Variants in MORC3 observed in about 807,000 individuals in gnomAD.
MORC3 encodes MORC family CW-type zinc finger 3.
In MORC3, 31 loss-of-function variants were observed where a neutral mutation model predicts 109.1. The ratio of observed to expected loss-of-function variants is 0.28; its 90% CI spans 0.21 to 0.38. The LOEUF is 0.38. MORC3 is among the 10% of genes least tolerant of loss of function. MORC3 has a pLI of 1.00. For synonymous variants in MORC3, 395 were observed against 380.7 expected (o/e 1.04, Z -0.44); for missense variants, 867 against 1,135.8 (o/e 0.76, Z 3.40).
intron 8 of MORC3, chr21:36,347,851 A>G (rs2085528238): frequency 1.3e-5 from 2 of 152,232 alleles, no homozygotes; most frequent in African/African-American, 4.8e-5. Flanking sequence ...TGGCTGGACC[A>G]TATTTTAAGT....
intron 14 of MORC3, among the ~76,000 whole-genome samples, chr21:36,367,906 A>G (rs867651268): frequency 7.9e-5 from 12 of 152,230 alleles, no homozygotes; most frequent in Middle Eastern, 3.2e-3. Flanking sequence ...CAGTTAAGCT[A>G]GCAATAGACT....
At chr21:36,351,804 T>A (rs779393786) in intron 9 of MORC3, among the ~76,000 whole-genome samples, 6 of 152,140 alleles carry the variant, frequency 3.9e-5, no homozygotes, top group Non-Finnish European at 7.4e-5. Context: ...ATAATAGAAT[T>A]ACCATATGAT....
chr21:36,370,639 ATTTTTTTTTTTTTTTT>A (rs869169013), intron 15 of MORC3, among the ~76,000 whole-genome samples: 26 of 37,552 alleles, frequency 6.9e-4, no homozygotes, highest in Non-Finnish European at 1.1e-3. Context: ...ATATATATAT[ATTTTTTTTTTTTTTTT>A]TTTTTTTTTT....
intron 14 of MORC3, among the ~76,000 whole-genome samples, chr21:36,364,841 C>T (rs1361213167): frequency 1.3e-5 from 2 of 148,390 alleles, no homozygotes; most frequent in Non-Finnish European, 3.0e-5. Flanking sequence ...CATTTGAGGT[C>T]AGGAGTTCGA....
intron 4 of MORC3, among the ~76,000 whole-genome samples, chr21:36,338,547 G>T (rs558938924): frequency 6.6e-6 from 1 of 151,760 alleles, no homozygotes; most frequent in Non-Finnish European, 1.5e-5. Context: ...AAAATTAGCC[G>T]GTCGTGGTGG....
intron 9 of MORC3, among the ~76,000 whole-genome samples, chr21:36,350,250 G>A (rs2085555502): frequency 6.6e-6 from 1 of 152,076 alleles, no homozygotes; most frequent in Non-Finnish European, 1.5e-5. Context: ...GGAGTGTGCA[G>A]TGAGCCAAGA....
At chr21:36,320,744 C>T (rs1180718589) in intron 1 of MORC3, 2 of 169,164 alleles carry the variant, frequency 1.2e-5, no homozygotes, top group Non-Finnish European at 2.5e-5. Context: ...GACGGGGCTG[C>T]GGGCCTGCCT....
In MORC3 at chr21:36,353,755, A is replaced by ATTTTT. The variant is rs1202729285; in HGVS notation, c.1104-2847_1104-2843dup. Among the ~76,000 whole-genome samples, 31 of 71,004 alleles carry ATTTTT rather than the reference A, an allele frequency of 4.4e-4. 1 individual carries two copies. Among genetic ancestry groups the ATTTTT allele is most frequent in the Admixed American group, 1.3e-3 (6 of 4,790 alleles). 46.6% of individuals were successfully genotyped at this position (71,004 alleles called of 152,430 possible). A position where few individuals can be genotyped will look rare whatever the true frequency, so the allele number is the denominator to read the frequency against. ...GCCACCAAGCCCGGCTAATTTTTGTATTTTTTTTTTTTTTTTTTTTTTAGT... is the reference window on the plus strand; with the variant it reads ...GCCACCAAGCCCGGCTAATTTTTGTATTTTTTTTTTTTTTTTTTTTTTTTTTTAGT... On this transcript the variant is annotated intron_variant, in intron 9 of 16. Coordinates refer to ENST00000400485, the MANE Select transcript of MORC3 (RefSeq NM_015358.3).
At chr21:36,331,976 A>T (rs1275195528) in intron 1 of MORC3, among the ~76,000 whole-genome samples, 1 of 151,026 alleles carries the variant, frequency 6.6e-6, no homozygotes, top group Non-Finnish European at 1.5e-5. Flanking sequence ...TCCTGTCTCT[A>T]CAAAAAAGTA....
chr21:36,346,044 G>T (rs1430261793), intron 8 of MORC3, among the ~76,000 whole-genome samples: 1 of 151,442 alleles, frequency 6.6e-6, no homozygotes, highest in African/African-American at 2.4e-5. Context: ...TTTTTGAGAT[G>T]GAGTCTCACT....
intron 1 of MORC3, among the ~76,000 whole-genome samples, chr21:36,329,850 CTTTTTTTGTT>C (rs912083549): frequency 2.0e-4 from 30 of 151,596 alleles, no homozygotes; most frequent in Non-Finnish European, 3.2e-4. Flanking sequence ...TTTTTCTTTT[CTTTTTTTGTT>C]TTTTTTTGTT....
intron 8 of MORC3, among the ~76,000 whole-genome samples, chr21:36,345,742 A>T (rs187002008): frequency 6.6e-6 from 1 of 152,162 alleles, no homozygotes; most frequent in East Asian, 1.9e-4. Context: ...TTTTTAGTAG[A>T]GACGAGGTTT....
chr21:36,324,064 G>A (rs1007621582), intron 1 of MORC3, among the ~76,000 whole-genome samples: 9 of 151,766 alleles, frequency 5.9e-5, no homozygotes, highest in Admixed American at 2.0e-4. Context: ...TAGTAGAGAT[G>A]GGGTTTCTCC....
chr21:36,364,031 G>T, intron 13 of MORC3, 62 bp from the exon 14 acceptor site: 1 of 1,507,892 alleles, frequency 6.6e-7, no homozygotes, highest in Non-Finnish European at 9.0e-7. Flanking sequence ...ATTATATCTT[G>T]TGTTTTGGGC....
intron 10 of MORC3, among the ~76,000 whole-genome samples, chr21:36,357,061 T>C (rs948865684): frequency 6.6e-6 from 1 of 152,246 alleles, no homozygotes; most frequent in Non-Finnish European, 1.5e-5. Context: ...CATATTCTCA[T>C]TCTGCTTAAG....
chr21:36,343,252 T>C (rs1300688383), intron 6 of MORC3, among the ~76,000 whole-genome samples: 1 of 151,190 alleles, frequency 6.6e-6, no homozygotes, highest in African/African-American at 2.4e-5. Context: ...TGCGCCACCA[T>C]GCCCGGCTAA....
rs1328236236 is a variant in MORC3, at chr21:36,369,366, G to A, written c.1998G>A (p.Val666=). The change falls in exon 15 of 17, where the codon GTG becomes GTA. Residue 666 remains valine (V), a synonymous_variant. Transcript: ENST00000400485. ...EDEIDVRNDA[V]ILPSCVEAEA... ...AGATAGACGTAAGAAATGATGCAGTGATTCTGCCCTCCTGTGTAGAAGCTG... is the reference window on the plus strand; with the variant it reads ...AGATAGACGTAAGAAATGATGCAGTAATTCTGCCCTCCTGTGTAGAAGCTG... The A allele has an allele frequency of 1.2e-6, 2 of 1,614,204 alleles. No individual in the cohort carries two copies. Among genetic ancestry groups the A allele is most frequent in the Non-Finnish European group, 1.7e-6 (2 of 1,180,034 alleles).
intron 1 of MORC3, among the ~76,000 whole-genome samples, chr21:36,322,744 T>G (rs1379775224): frequency 6.6e-6 from 1 of 152,210 alleles, no homozygotes; most frequent in African/African-American, 2.4e-5. Context: ...TGACAAAAAG[T>G]TTTTAAATTT....
In MORC3 at chr21:36,324,289, T is replaced by G. The variant is rs529860817; in HGVS notation, c.39+3986T>G. ...ATACATTAACTGTAGTTTTTTTTTT[T>G]TTTGAGATGGAGTCTTCTCGCTCTG... On this transcript the variant is annotated intron_variant, in intron 1 of 16. Transcript: ENST00000400485. Among the ~76,000 whole-genome samples the G allele has an allele frequency of 1.3e-4, 20 of 152,074 alleles. 1 individual carries two copies. The South Asian group carries it at 4.1e-3, about 32-fold the overall frequency.
Sources: gnomAD v4.1 joint callset for allele counts (sites outside exome capture counted in the v4.1 genomes callset) on GRCh38, gnomAD v4.1.1 for gene constraint, MANE v1.5 for transcripts, NCBI Gene and HGNC (gene_info 2026-07-23, HGNC 2026-07-21) for gene names.